CEPT1: variants seen among roughly 807,000 people sequenced by gnomAD.
CEPT1 encodes choline/ethanolamine phosphotransferase 1.
CEPT1 carries 7 observed loss-of-function variants against 42.6 expected under a neutral mutation model. That is an observed-to-expected ratio of 0.16 (90% CI 0.09 to 0.31). The LOEUF (loss-of-function observed/expected upper bound fraction) is 0.31, where lower values mean the gene tolerates loss of function less well. Ranked by LOEUF, CEPT1 falls within the 10% of genes least tolerant of loss-of-function variation. The pLI, the probability that CEPT1 is intolerant of heterozygous loss-of-function variation, is 1.00. For missense variants in CEPT1, 306 were observed against 502.1 expected, an observed-to-expected ratio of 0.61 and a Z score of 3.73; for synonymous variants, 171 against 171.9, an observed-to-expected ratio of 0.99 and a Z score of 0.04.
intron 1 of CEPT1, 40 bp from the exon 2 acceptor site, chr1:111,147,602 C>A: frequency 1.4e-6 from 1 of 691,146 alleles, no homozygotes; most frequent in Non-Finnish European, 2.3e-6. Context: ...TAGTGGCCAA[C>A]AAGTGTATTT....
chr1:111,153,980 T>A (rs1287932113), intron 2 of CEPT1, among the ~76,000 whole-genome samples: 1 of 152,102 alleles, frequency 6.6e-6, no homozygotes, highest in Non-Finnish European at 1.5e-5. Flanking sequence ...TTTTTTCTAT[T>A]TCTGTGAAGA....
rs80047444 is a variant in CEPT1, at chr1:111,166,417, A to G, written c.629+5121A>G. 7.7e-3 allele frequency among the ~76,000 whole-genome samples: 1,177 copies of G among 152,334 alleles called. 15 individuals carry two copies. The highest frequency in any genetic ancestry group is 0.027 in the African/African-American group (1,127 of 41,572). On this transcript the variant is annotated intron_variant, in intron 4 of 8. Transcript: ENST00000357172. ...ACTTTTATCACTAGTAAACTAATCC[A>G]ATGTAGTAGAGTATTATAATGCTGG...
chr1:111,145,015 A>G (rs540459724), intron 1 of CEPT1, among the ~76,000 whole-genome samples: 1 of 151,882 alleles, frequency 6.6e-6, no homozygotes, highest in Non-Finnish European at 1.5e-5. Flanking sequence ...GATTTGAAAT[A>G]TTAATTTTTT....
At position 111,182,970 on chromosome 1, in the gene CEPT1, G is replaced by A; in HGVS notation, c.1005+13G>A. On this transcript the variant is annotated intron_variant, in intron 7 of 8. Transcript: ENST00000357172. ...TAATAAGCTTGTGGTAAGCACCTGA[G>A]TTTTTATTTGCTGTGTTTTTCACTT... 2 of 1,602,654 alleles carry A rather than the reference G, an allele frequency of 1.2e-6. No homozygotes were observed. The highest frequency in any genetic ancestry group is 1.1e-5 in the South Asian group (1 of 89,368).
chr1:111,167,251 A>C, intron 4 of CEPT1: 1 of 985,292 alleles, frequency 1.0e-6, no homozygotes, highest in South Asian at 4.7e-5. Flanking sequence ...TAAAGACAGC[A>C]CCTTTGTCAT....
Position 111,167,560 on chromosome 1 carries a change from T to A in CEPT1, c.629+6264T>A, listed in dbSNP as rs1656200715. 6.3e-6 allele frequency: 6 copies of A among 949,948 alleles called. No individual in the cohort carries two copies. In the South Asian group the frequency reaches 2.4e-4, roughly 39 times the overall value. 58.8% of individuals were successfully genotyped at this position (949,948 alleles called of 1,614,324 possible). On this transcript the variant is annotated intron_variant, in intron 4 of 8. Transcript: ENST00000357172. Reference sequence around the variant, plus strand: ...AGAATAAAGCAAGCAGAGTTTTTCTTAGGTAAGGAAGTTGAGATGATTCTA... The same window carrying A: ...AGAATAAAGCAAGCAGAGTTTTTCTAAGGTAAGGAAGTTGAGATGATTCTA...
At chr1:111,177,408 C>T (rs1168872902) in intron 5 of CEPT1, among the ~76,000 whole-genome samples, 5 of 152,170 alleles carry the variant, frequency 3.3e-5, no homozygotes, top group East Asian at 3.8e-4. Context: ...ATCACATTGG[C>T]ACTCAAGAAG....
Position 111,182,732 on chromosome 1 carries a change from T to C in CEPT1, c.847-67T>C, listed in dbSNP as rs1657050698. 2.9e-6 allele frequency: 4 copies of C among 1,399,558 alleles called. No individual in the cohort carries two copies. In the Admixed American group the frequency reaches 9.2e-5, roughly 32 times the overall value. 86.7% of individuals were successfully genotyped at this position (1,399,558 alleles called of 1,614,324 possible). A position where few individuals can be genotyped will look rare whatever the true frequency, so the allele number is the denominator to read the frequency against. ...GTTTGAGTTGAACTGTGAACTGTTC[T>C]GCAGCAGATCCATGTAGTATCTGAT... On this transcript the variant is annotated intron_variant, in intron 6 of 8. Coordinates refer to ENST00000357172, the MANE Select transcript of CEPT1 (RefSeq NM_006090.5).
At chr1:111,175,944 G>A (rs1408039041) in intron 5 of CEPT1, among the ~76,000 whole-genome samples, 1 of 152,048 alleles carries the variant, frequency 6.6e-6, no homozygotes, top group Non-Finnish European at 1.5e-5. Flanking sequence ...TTAAAAATCA[G>A]ATTAATTTTA....
rs1657140468 is a variant in CEPT1, at chr1:111,184,191, G to T, written c.1132G>T (p.Val378Phe). ...DEYIVLWIAL[V>F]FSFFDLIRYC... ...CTGAGAATGTCTCTTTTCTTTCCAG[G>T]TTTTCTCTTTCTTTGATTTGATCCG... The change falls in exon 9 of 9, where the codon GTT (valine) becomes TTT (phenylalanine). Residue 378 changes from valine to phenylalanine, a missense_variant and splice_region_variant. Val to Phe is a conservative substitution (Grantham distance 50, BLOSUM62 -1). Transcript: ENST00000357172. The T allele has an allele frequency of 6.2e-7, 1 of 1,613,018 alleles. No homozygotes were observed. The highest frequency in any genetic ancestry group is 1.3e-5 in the African/African-American group (1 of 74,966).
intron 5 of CEPT1, among the ~76,000 whole-genome samples, chr1:111,177,271 T>C (rs1453860523): frequency 1.3e-5 from 2 of 152,178 alleles, no homozygotes; most frequent in African/African-American, 4.8e-5. Context: ...CACAAAGATA[T>C]ATTGCAGCTA....
At chr1:111,158,107 C>T (rs547688562) in intron 2 of CEPT1, among the ~76,000 whole-genome samples, 3 of 152,076 alleles carry the variant, frequency 2.0e-5, no homozygotes, top group Non-Finnish European at 4.4e-5. Context: ...TTTGGGAGGC[C>T]GAGGTGGGCG....
chr1:111,164,202 C>A (rs1008187204), intron 4 of CEPT1, among the ~76,000 whole-genome samples: 4 of 152,144 alleles, frequency 2.6e-5, no homozygotes, highest in South Asian at 2.1e-4. Flanking sequence ...AAAGTCTAGC[C>A]TTTTGAGAAA....
intron 4 of CEPT1, among the ~76,000 whole-genome samples, chr1:111,162,441 A>G (rs1427442207): frequency 3.9e-5 from 6 of 152,182 alleles, no homozygotes; most frequent in Admixed American, 6.5e-5. Context: ...CAGAGACTGA[A>G]ATGACTCCTA....
At chr1:111,152,377 CAAA>C (rs1297384332) in intron 2 of CEPT1, among the ~76,000 whole-genome samples, 2 of 152,148 alleles carry the variant, frequency 1.3e-5, no homozygotes, top group East Asian at 3.9e-4. Context: ...TGGCATAAAA[CAAA>C]AAGTAAAATC....
chr1:111,177,044 A>C (rs1178149332), intron 5 of CEPT1, among the ~76,000 whole-genome samples: 1 of 152,254 alleles, frequency 6.6e-6, no homozygotes, highest in Non-Finnish European at 1.5e-5. Flanking sequence ...TAACCAAAAA[A>C]GTATCTGCAG....
intron 4 of CEPT1, among the ~76,000 whole-genome samples, chr1:111,169,471 G>T (rs13374707): frequency 0.012 from 1,783 of 151,982 alleles, 32 homozygotes; most frequent in African/African-American, 0.04. Context: ...CACCTTGTTT[G>T]TCTATGATAA....
chr1:111,145,381 AATTT>A (rs750593766), intron 1 of CEPT1, among the ~76,000 whole-genome samples: 10 of 152,174 alleles, frequency 6.6e-5, no homozygotes, highest in Non-Finnish European at 1.5e-4. Context: ...GATTTTTGAA[AATTT>A]ATTTAAGGGC....
intron 2 of CEPT1, among the ~76,000 whole-genome samples, chr1:111,158,905 T>TG (rs1655719557): frequency 9.2e-4 from 100 of 108,160 alleles, no homozygotes; most frequent in Middle Eastern, 4.1e-3. Context: ...TACAATTCTT[T>TG]TTTTTTTTTT....
Sources: allele counts gnomAD v4.1 joint callset (sites outside exome capture counted in the v4.1 genomes callset), GRCh38; gene constraint gnomAD v4.1.1; transcripts MANE v1.5; gene names NCBI Gene and HGNC (gene_info 2026-07-23, HGNC 2026-07-21).